BRIP1: variants seen among roughly 807,000 people sequenced by gnomAD.
BRIP1 encodes the protein Fanconi anemia group J protein.
In BRIP1, 88 loss-of-function variants were observed where a neutral mutation model predicts 119.7. The ratio of observed to expected loss-of-function variants is 0.74; its 90% CI spans 0.62 to 0.88. BRIP1 has a LOEUF of 0.88. Ranked by LOEUF, BRIP1 falls within the 40% of genes least tolerant of loss-of-function variation. BRIP1 has a pLI of 0.00. For synonymous variants in BRIP1, 443 were observed against 496.5 expected, an observed-to-expected ratio of 0.89 and a Z score of 1.43; for missense variants, 1,259 against 1,455.4, an observed-to-expected ratio of 0.87 and a Z score of 2.20.
intron 16 of BRIP1, among the ~76,000 whole-genome samples, chr17:61,737,092 AAAG>A (rs1216792504): frequency 6.6e-6 from 1 of 152,170 alleles, no homozygotes; most frequent in African/African-American, 2.4e-5. Flanking sequence ...ATATAAAAGG[AAAG>A]AAGGGAATCA....
rs1480842694 is a variant in BRIP1, at chr17:61,841,116, A to G, written c.627+5985T>C. Reference sequence around the variant, plus strand: ...TAAGACCCAAAACTATAAGACTACTAGAAGAAAACATAGGGCAAAAGCTTC... The same window carrying G: ...TAAGACCCAAAACTATAAGACTACTGGAAGAAAACATAGGGCAAAAGCTTC... On this transcript the variant is annotated intron_variant, in intron 6 of 19. Transcript: ENST00000259008. This position sits in a 1 kb window ranked among gnomAD's most constrained non-coding sequence, Gnocchi z 4.1. 2.0e-5 allele frequency among the ~76,000 whole-genome samples: 3 copies of G among 152,214 alleles called. No individual in the cohort carries two copies. The highest frequency in any genetic ancestry group is 4.4e-5 in the Non-Finnish European group (3 of 68,032).
Position 61,853,575 on chromosome 17 carries a change from T to A in BRIP1, c.379+3483A>T, listed in dbSNP as rs577662791. On this transcript the variant is annotated intron_variant, in intron 4 of 19. Transcript: ENST00000259008. This position sits in a 1 kb window ranked among gnomAD's most constrained non-coding sequence, Gnocchi z 4.3. ...TAAATAACACTGACTCACAGTAATG[T>A]CAAAATCAAGTTGTGTACATATGGA... 1.3e-5 allele frequency among the ~76,000 whole-genome samples: 2 copies of A among 152,288 alleles called. No homozygotes were observed. Among genetic ancestry groups the A allele is most frequent in the South Asian group, 4.1e-4 (2 of 4,822 alleles).
At chr17:61,826,438 T>C (rs1233162101) in intron 6 of BRIP1, among the ~76,000 whole-genome samples, 4 of 152,064 alleles carry the variant, frequency 2.6e-5, no homozygotes. Context: ...CAAACGAAAC[T>C]ATCAACAAAG....
chr17:61,843,808 A>AT lies in BRIP1; in HGVS notation c.627+3292dup, dbSNP rs1416195070. ...ATTGCCCAGCCTCTGGTATTGCTTT[A>AT]TAACAATTCAAACAGACTATCACAG... On this transcript the variant is annotated intron_variant, in intron 6 of 19. Transcript: ENST00000259008. The surrounding 1 kb of genome is among the most constrained non-coding windows in gnomAD (Gnocchi z 5.7). 6.6e-6 allele frequency among the ~76,000 whole-genome samples: 1 copy of AT among 152,228 alleles called. No individual in the cohort carries two copies. The highest frequency in any genetic ancestry group is 6.5e-5 in the Admixed American group (1 of 15,286).
Position 61,814,760 on chromosome 17 carries a change from G to C in BRIP1, c.628-6003C>G, listed in dbSNP as rs903229782. On this transcript the variant is annotated intron_variant, in intron 6 of 19. Coordinates refer to ENST00000259008, the MANE Select transcript of BRIP1 (RefSeq NM_032043.3). This position sits in a 1 kb window ranked among gnomAD's most constrained non-coding sequence, Gnocchi z 4.9. ...CTCTTGCACATTAAGACAGATACAA[G>C]AGGAATATTAATTGCAGCATTGTTT... is the stretch of plus-strand genomic sequence containing the variant. 3.3e-5 allele frequency among the ~76,000 whole-genome samples: 5 copies of C among 152,006 alleles called. No individual in the cohort carries two copies. Among genetic ancestry groups the C allele is most frequent in the Non-Finnish European group, 7.4e-5 (5 of 67,928 alleles).
chr17:61,856,033 T>C lies in BRIP1; in HGVS notation c.379+1025A>G, dbSNP rs1458850249. Among the ~76,000 whole-genome samples the C allele has an allele frequency of 2.0e-5, 3 of 152,136 alleles. No individual in the cohort carries two copies. The highest frequency in any genetic ancestry group is 1.3e-4 in the Admixed American group (2 of 15,254). On this transcript the variant is annotated intron_variant, in intron 4 of 19. Transcript: ENST00000259008. This position sits in a 1 kb window ranked among gnomAD's most constrained non-coding sequence, Gnocchi z 5.1. ...GAAGAAAAGGATAATAAATTGAAGA[T>C]GGAACTTTGCTCAGAAGAGACACTA...
At chr17:61,733,084 G>C (rs2144587823) in intron 16 of BRIP1, among the ~76,000 whole-genome samples, 1 of 152,286 alleles carries the variant, frequency 6.6e-6, no homozygotes, top group South Asian at 2.1e-4. Context: ...AAAGGTTTCT[G>C]AAGTCAAGTT....
chr17:61,837,939 T>C (rs1045335046), intron 6 of BRIP1, among the ~76,000 whole-genome samples: 1 of 152,116 alleles, frequency 6.6e-6, no homozygotes, highest in Non-Finnish European at 1.5e-5. Flanking sequence ...AATCTACTTC[T>C]CCAATCCACT....
At chr17:61,830,491 A>G (rs2078477850) in intron 6 of BRIP1, among the ~76,000 whole-genome samples, 1 of 152,118 alleles carries the variant, frequency 6.6e-6, no homozygotes, top group Non-Finnish European at 1.5e-5. Flanking sequence ...GAAATGAAAG[A>G]GGGCATATCA....
intron 17 of BRIP1, among the ~76,000 whole-genome samples, chr17:61,714,066 C>T (rs903513019): frequency 3.9e-5 from 6 of 152,122 alleles, no homozygotes; most frequent in Non-Finnish European, 5.9e-5. Context: ...GTTCCAGCTA[C>T]TTGGGAGGCT....
intron 6 of BRIP1, among the ~76,000 whole-genome samples, chr17:61,811,465 C>T (rs539596638): frequency 4.5e-4 from 69 of 151,900 alleles, no homozygotes; most frequent in Non-Finnish European, 7.4e-4. Flanking sequence ...TCAGGTGATC[C>T]GCCTGCATCG....
Position 61,861,229 on chromosome 17 carries a change from C to CT in BRIP1, c.93+217dup. Among the ~76,000 whole-genome samples, 1 of 152,242 alleles carries CT rather than the reference C, an allele frequency of 6.6e-6. No individual in the cohort carries two copies. The highest frequency in any genetic ancestry group is 1.9e-4 in the East Asian group (1 of 5,184). The stretch of plus-strand genomic sequence containing the variant: ...TAAAAGTATAGAAATTCCAAATGAG[C>CT]TGAGAACATTTTTCAGAATGTTCTT... On this transcript the variant is annotated intron_variant, in intron 2 of 19. Coordinates refer to ENST00000259008, the MANE Select transcript of BRIP1 (RefSeq NM_032043.3). This position sits in a 1 kb window ranked among gnomAD's most constrained non-coding sequence, Gnocchi z 4.5.
rs2061380673 is a variant in BRIP1, at chr17:61,687,598, C to T, written c.2576-1433G>A. ...TAATCTAAAACAAAATTTAACATCT[C>T]TTTATTATAATAAAATGTATTTTTT... is the stretch of plus-strand genomic sequence containing the variant. On this transcript the variant is annotated intron_variant, in intron 18 of 19. Coordinates refer to ENST00000259008, the MANE Select transcript of BRIP1 (RefSeq NM_032043.3). The surrounding 1 kb of genome is among the most constrained non-coding windows in gnomAD (Gnocchi z 5.1). Among the ~76,000 whole-genome samples the T allele has an allele frequency of 6.6e-6, 1 of 152,208 alleles. No individual in the cohort carries two copies. Among genetic ancestry groups the T allele is most frequent in the African/African-American group, 2.4e-5 (1 of 41,558 alleles).
At position 61,729,676 on chromosome 17, in the gene BRIP1, CG is replaced by C. The variant is rs1567767879; in HGVS notation, c.2379+13336del. On this transcript the variant is annotated intron_variant, in intron 16 of 19. Coordinates refer to ENST00000259008, the MANE Select transcript of BRIP1 (RefSeq NM_032043.3). This position sits in a 1 kb window ranked among gnomAD's most constrained non-coding sequence, Gnocchi z 5.6. ...GACTCTTGGTAAGTGCTTTATTGGA[CG>C]TTTTTCAACTTGATAAATCATAATT... 1.3e-5 allele frequency among the ~76,000 whole-genome samples: 2 copies of C among 152,088 alleles called. No individual in the cohort carries two copies. The highest frequency in any genetic ancestry group is 4.8e-5 in the African/African-American group (2 of 41,404).
rs1946032054 is a variant in BRIP1 at position 61,834,592 on chromosome 17, C to G, written c.627+12509G>C. On this transcript the variant is annotated intron_variant, in intron 6 of 19. Coordinates refer to ENST00000259008, the MANE Select transcript of BRIP1 (RefSeq NM_032043.3). The surrounding 1 kb of genome is among the most constrained non-coding windows in gnomAD (Gnocchi z 4.4). ...TTCCTACCAAGATGTGAGCTTTACC[C>G]CTTGAGTCTGGATTTGGTCATGTGA... Among the ~76,000 whole-genome samples the G allele has an allele frequency of 6.6e-6, 1 of 152,134 alleles. No homozygotes were observed. The highest frequency in any genetic ancestry group is 1.5e-5 in the Non-Finnish European group (1 of 68,020).
intron 4 of BRIP1, among the ~76,000 whole-genome samples, chr17:61,849,777 A>G (rs1348060914): frequency 6.6e-6 from 1 of 152,194 alleles, no homozygotes; most frequent in Non-Finnish European, 1.5e-5. Flanking sequence ...TGTGAACACT[A>G]GGTTTTTAAA....
chr17:61,801,338 T>A lies in BRIP1; in HGVS notation c.1055A>T (p.Tyr352Phe), dbSNP rs762417690. 6.2e-7 allele frequency: 1 copy of A among 1,614,082 alleles called. No individual in the cohort carries two copies. Among genetic ancestry groups the A allele is most frequent in the Non-Finnish European group, 8.5e-7 (1 of 1,179,960 alleles). The change falls in exon 8 of 20, where the codon TAT becomes TTT. Residue 352 changes from tyrosine to phenylalanine, a missense_variant. Coordinates refer to ENST00000259008, the MANE Select transcript of BRIP1 (RefSeq NM_032043.3). Reference protein sequence around the residue: ...SLGKKLKACPYYTARELIQDA... With the variant: ...SLGKKLKACPFYTARELIQDA... ...TTGTATTAGTTCTCGGGCTGTGTAA[T>A]ATGGACAGGCCTTTAGTTTCTTCCC...
chr17:61,782,040 T>G (rs193002005), intron 11 of BRIP1, among the ~76,000 whole-genome samples: 74 of 152,094 alleles, frequency 4.9e-4, no homozygotes, highest in Non-Finnish European at 9.1e-4. Flanking sequence ...ACTTAACAAC[T>G]GTGGAGAGAA....
In BRIP1 at chr17:61,765,392, TATATATATATATATATATATATA is replaced by T. The variant is rs2077344396; in HGVS notation, c.2097+10986_2097+11008del. Among the ~76,000 whole-genome samples the T allele has an allele frequency of 4.5e-4, 7 of 15,416 alleles. 1 individual carries two copies. The highest frequency in any genetic ancestry group is 3.7e-3 in the South Asian group (2 of 538). The allele number at this position is 15,416 out of a possible 152,430, so 10.1% of individuals were successfully genotyped here. A position where few individuals can be genotyped will look rare whatever the true frequency, so the allele number is the denominator to read the frequency against. ...TGTGTGTATATATTATATATATATA[TATATATATATATATATATATATA>T]TATATATATTTTTTTTTTTTTTTTT... On this transcript the variant is annotated intron_variant, in intron 14 of 19. Coordinates refer to ENST00000259008, the MANE Select transcript of BRIP1 (RefSeq NM_032043.3).
Sources: gnomAD v4.1 joint callset for allele counts (sites outside exome capture counted in the v4.1 genomes callset) on GRCh38, gnomAD v4.1.1 for gene constraint, Gnocchi (gnomAD v3.1) non-coding constraint, MANE v1.5 for transcripts, NCBI Gene and HGNC (gene_info 2026-07-23, HGNC 2026-07-21) for gene names.